Variants in GALNTL5 observed in about 807,000 individuals in gnomAD.
GALNTL5 encodes the protein polypeptide N-acetylgalactosaminyltransferase like 5, also known as inactive polypeptide N-acetylgalactosaminyltransferase-like protein 5.
Under a neutral mutation model 51.0 loss-of-function variants are expected in GALNTL5, and 44 were observed. The ratio of observed to expected loss-of-function variants is 0.86; its 90% confidence interval spans 0.68 to 1.11. The LOEUF is 1.11. Ranked by LOEUF, GALNTL5 falls within the 50% of genes least tolerant of loss-of-function variation. The pLI is 0.00. For missense variants in GALNTL5, 528 were observed against 531.8 expected, an observed-to-expected ratio of 0.99 and a Z score of 0.07; for synonymous variants, 192 against 182.8, an observed-to-expected ratio of 1.05 and a Z score of -0.41.
At chr7:152,014,282 T>C (rs184208791) in intron 7 of GALNTL5, among the ~76,000 whole-genome samples, 5 of 152,368 alleles carry the variant, frequency 3.3e-5, no homozygotes, top group Admixed American at 3.3e-4. Flanking sequence ...TGTCGTTTTT[T>C]GTTTTTGAGA....
chr7:151,958,174 G>T (rs894856915), intron 1 of GALNTL5, among the ~76,000 whole-genome samples: 1 of 152,140 alleles, frequency 6.6e-6, no homozygotes, highest in Non-Finnish European at 1.5e-5. Context: ...GGCAGCACCC[G>T]TCCTTGGGCC....
chr7:152,012,716 G>C (rs1010510918), intron 7 of GALNTL5, among the ~76,000 whole-genome samples: 1 of 152,090 alleles, frequency 6.6e-6, no homozygotes, highest in Non-Finnish European at 1.5e-5. Flanking sequence ...CCTCTAATCC[G>C]AGCACTTTGG....
At chr7:151,981,597 CCTTCCTTCCCTCCT>C (rs2081290548) in intron 3 of GALNTL5, among the ~76,000 whole-genome samples, 1 of 101,662 alleles carries the variant, frequency 9.8e-6, no homozygotes, top group Non-Finnish European at 1.9e-5. Flanking sequence ...TTCCCTCCTT[CCTTCCTTCCCTCCT>C]TCCTTCCTTC....
chr7:152,003,929 C>T (rs1254569428), intron 6 of GALNTL5, among the ~76,000 whole-genome samples: 3 of 152,036 alleles, frequency 2.0e-5, no homozygotes, highest in Non-Finnish European at 4.4e-5. Flanking sequence ...GTTTAGAATT[C>T]TAATACACTG....
At chr7:151,968,863 C>T (rs1247560209) in intron 2 of GALNTL5, among the ~76,000 whole-genome samples, 1 of 152,128 alleles carries the variant, frequency 6.6e-6, no homozygotes. Context: ...TTTGTATTTC[C>T]CTGATGACTA....
chr7:151,961,596 G>T (rs1407312816), intron 1 of GALNTL5, among the ~76,000 whole-genome samples: 1 of 152,210 alleles, frequency 6.6e-6, no homozygotes, highest in African/African-American at 2.4e-5. Context: ...CAAAGGCCAA[G>T]AGGATACTTG....
chr7:151,960,571 A>C (rs1245397492), intron 1 of GALNTL5: 1 of 152,338 alleles, frequency 6.6e-6, no homozygotes, highest in Non-Finnish European at 1.5e-5. Flanking sequence ...GGACACAAGT[A>C]GGTTCAATCA....
intron 5 of GALNTL5, among the ~76,000 whole-genome samples, chr7:151,988,040 G>A (rs73475735): frequency 0.04 from 6,025 of 152,228 alleles, 386 homozygotes; most frequent in African/African-American, 0.14. Flanking sequence ...ACTCAAATCC[G>A]TCCCCTGCAG....
intron 3 of GALNTL5, among the ~76,000 whole-genome samples, chr7:151,982,449 T>C (rs1026932567): frequency 1.4e-4 from 21 of 152,124 alleles, no homozygotes; most frequent in African/African-American, 4.6e-4. Context: ...AAATAAAGCA[T>C]TTTTGTCAAA....
chr7:151,956,949 T>C lies in GALNTL5; in HGVS notation c.-40+340T>C, dbSNP rs151155452. Among the ~76,000 whole-genome samples the C allele has an allele frequency of 3.0e-3, 459 of 152,156 alleles. 4 individuals are homozygous for C. Among genetic ancestry groups the C allele is most frequent in the African/African-American group, 0.01 (435 of 41,530 alleles). On this transcript the variant is annotated intron_variant, in intron 1 of 8. Transcript: ENST00000392800. Reference sequence around the variant, plus strand: ...GAAATAAAGGCCCTTAGCAGTGTCATAAAGTCCTAGATCTTATATGGAGAT... The same window carrying C: ...GAAATAAAGGCCCTTAGCAGTGTCACAAAGTCCTAGATCTTATATGGAGAT...
At chr7:151,975,679 T>C (rs184761258) in intron 3 of GALNTL5, among the ~76,000 whole-genome samples, 1 of 152,254 alleles carries the variant, frequency 6.6e-6, no homozygotes, top group Admixed American at 6.5e-5. Flanking sequence ...AACTTTCTTC[T>C]GCTTTGATAT....
At chr7:151,965,651 G>T (rs1023450924) in intron 1 of GALNTL5, among the ~76,000 whole-genome samples, 2 of 152,116 alleles carry the variant, frequency 1.3e-5, no homozygotes, top group African/African-American at 4.8e-5. Flanking sequence ...GGCTAAGGCG[G>T]CAGAATTGCT....
chr7:151,958,684 C>A (rs1354085407), intron 1 of GALNTL5, among the ~76,000 whole-genome samples: 1 of 152,190 alleles, frequency 6.6e-6, no homozygotes, highest in Non-Finnish European at 1.5e-5. Context: ...TGTGGGGTGG[C>A]CATCTGGCAC....
chr7:151,962,033 C>T (rs1365235933), intron 1 of GALNTL5, among the ~76,000 whole-genome samples: 2 of 136,912 alleles, frequency 1.5e-5, no homozygotes, highest in Admixed American at 7.6e-5. Context: ...TGGAGTCTCT[C>T]GCTCTGTTGC....
chr7:151,972,988 G>A (rs1252135122), intron 3 of GALNTL5, among the ~76,000 whole-genome samples: 1 of 152,140 alleles, frequency 6.6e-6, no homozygotes. Context: ...CCAACAGCTT[G>A]CACCATGCAC....
chr7:151,961,349 A>T (rs1035218296), intron 1 of GALNTL5, among the ~76,000 whole-genome samples: 1 of 149,880 alleles, frequency 6.7e-6, no homozygotes. Flanking sequence ...AAAAAAAAAA[A>T]TACAAAAACT....
At chr7:151,981,896 C>T (rs1156593839) in intron 3 of GALNTL5, among the ~76,000 whole-genome samples, 1 of 151,270 alleles carries the variant, frequency 6.6e-6, no homozygotes, top group African/African-American at 2.4e-5. Context: ...GATTCACCCA[C>T]CTCAGCCTCC....
chr7:152,010,362 C>T (rs189132510), intron 7 of GALNTL5, among the ~76,000 whole-genome samples: 6 of 152,272 alleles, frequency 3.9e-5, no homozygotes, highest in East Asian at 3.9e-4. Flanking sequence ...CCGCCTGCCT[C>T]GGCCTCCCAA....
At chr7:151,965,498 T>C (rs1462720765) in intron 1 of GALNTL5, among the ~76,000 whole-genome samples, 1 of 152,228 alleles carries the variant, frequency 6.6e-6, no homozygotes, top group Non-Finnish European at 1.5e-5. Flanking sequence ...AAAAATATCA[T>C]GAGCACTCTG....
Sources: gnomAD v4.1 joint callset for allele counts (sites outside exome capture counted in the v4.1 genomes callset) on GRCh38, gnomAD v4.1.1 for gene constraint, MANE v1.5 for transcripts, NCBI Gene and HGNC (gene_info 2026-07-23, HGNC 2026-07-21) for gene names.